Variants in CTNND2 observed in about 807,000 individuals in gnomAD.
CTNND2 encodes catenin delta 2.
CTNND2 carries 22 observed loss-of-function variants against 144.4 expected under a neutral mutation model. The ratio of observed to expected loss-of-function variants is 0.15; its 90% confidence interval spans 0.11 to 0.22. The LOEUF is 0.22. Ranked by LOEUF, CTNND2 falls within the 10% of genes least tolerant of loss-of-function variation. The probability of loss-of-function intolerance (pLI) is 1.00; values close to 1 mark genes in which losing one functional copy is unlikely to be tolerated. For synonymous variants in CTNND2, 751 were observed against 695.6 expected (o/e 1.08, Z -1.25); for missense variants, 1,353 against 1,618.8 (o/e 0.84, Z 2.82).
chr5:11,733,240 T>C (rs760108482), intron 1 of CTNND2, among the ~76,000 whole-genome samples: 3 of 152,126 alleles, frequency 2.0e-5, no homozygotes, highest in Non-Finnish European at 4.4e-5. Context: ...TTGCAATTGG[T>C]ATCTGGGGGG....
intron 3 of CTNND2, among the ~76,000 whole-genome samples, chr5:11,547,316 TAAATA>T (rs1334803315): frequency 8.7e-6 from 1 of 114,546 alleles, no homozygotes; most frequent in Non-Finnish European, 1.9e-5. Flanking sequence ...AATAAATAAA[TAAATA>T]AAGTAAAAAG....
At chr5:11,379,481 G>A (rs887317133) in intron 7 of CTNND2, among the ~76,000 whole-genome samples, 2 of 152,050 alleles carry the variant, frequency 1.3e-5, no homozygotes, top group African/African-American at 4.8e-5. Flanking sequence ...CTGTAGAATG[G>A]GGGTAAAAAT....
At chr5:11,128,794 ATT>A (rs1754989153) in intron 12 of CTNND2, among the ~76,000 whole-genome samples, 1 of 36,004 alleles carries the variant, frequency 2.8e-5, no homozygotes, top group Admixed American at 4.4e-4. Flanking sequence ...ATAAATATAT[ATT>A]ATATATATAC....
intron 9 of CTNND2, among the ~76,000 whole-genome samples, chr5:11,297,334 T>G (rs559512969): frequency 6.6e-6 from 1 of 152,308 alleles, no homozygotes; most frequent in African/African-American, 2.4e-5. Context: ...TTCTCCCTTT[T>G]CCAACTTTGC....
In CTNND2 at chr5:11,392,421, T is replaced by C. The variant is rs537700356; in HGVS notation, c.612+4610A>G. Among the ~76,000 whole-genome samples, 19 of 152,354 alleles carry C rather than the reference T, an allele frequency of 1.2e-4. No individual in the cohort carries two copies. The East Asian group carries it at 3.1e-3, about 25-fold the overall frequency. ...AGGAGAGATTTCTTGATGGCAACTC[T>C]TTCTTAAAACCTACATGAGCACCCG... is the stretch of plus-strand genomic sequence containing the variant. On this transcript the variant is annotated intron_variant, in intron 6 of 21. Transcript: ENST00000304623.
intron 16 of CTNND2, among the ~76,000 whole-genome samples, chr5:11,033,225 T>C (rs1313594273): frequency 6.6e-6 from 1 of 152,216 alleles, no homozygotes; most frequent in African/African-American, 2.4e-5. Flanking sequence ...CAATCCACAA[T>C]GGACTTGACA....
intron 3 of CTNND2, among the ~76,000 whole-genome samples, chr5:11,543,914 T>G (rs2561621): frequency 6.6e-6 from 1 of 151,958 alleles, no homozygotes; most frequent in Admixed American, 6.5e-5. Flanking sequence ...CCTTAAACTC[T>G]GACCTCATGT....
chr5:11,868,460 T>C (rs1002461507), intron 1 of CTNND2, among the ~76,000 whole-genome samples: 1 of 152,202 alleles, frequency 6.6e-6, no homozygotes, highest in Non-Finnish European at 1.5e-5. Context: ...AAGGGGATCA[T>C]GGAGTTTGCC....
intron 9 of CTNND2, among the ~76,000 whole-genome samples, chr5:11,241,960 C>T (rs2149911777): frequency 6.6e-6 from 1 of 150,634 alleles, no homozygotes; most frequent in East Asian, 2.0e-4. Flanking sequence ...AAAGGGGAGC[C>T]ATTCAGCATG....
intron 3 of CTNND2, among the ~76,000 whole-genome samples, chr5:11,417,974 G>A (rs1023279539): frequency 2.6e-5 from 4 of 151,848 alleles, no homozygotes. Flanking sequence ...AAAAGTTTAT[G>A]GAAAATGCAT....
In CTNND2 at chr5:11,298,741, G is replaced by A. The variant is rs186487051; in HGVS notation, c.1628+47631C>T. On this transcript the variant is annotated intron_variant, in intron 9 of 21. Transcript: ENST00000304623. ...TGCACAGTCAGTATAGAAATGTGGC[G>A]TGTAGCACGGGCTATAGCTACAATC... 5.5e-4 allele frequency among the ~76,000 whole-genome samples: 84 copies of A among 152,288 alleles called. 1 individual carries two copies. The highest frequency in any genetic ancestry group is 1.5e-3 in the African/African-American group (63 of 41,554).
intron 11 of CTNND2, among the ~76,000 whole-genome samples, chr5:11,166,551 A>G (rs1759354520): frequency 6.6e-6 from 1 of 151,680 alleles, no homozygotes; most frequent in Non-Finnish European, 1.5e-5. Context: ...CCGGCCAAAA[A>G]AAGTTCATTT....
chr5:11,699,373 T>C (rs1785308274), intron 2 of CTNND2, among the ~76,000 whole-genome samples: 1 of 151,994 alleles, frequency 6.6e-6, no homozygotes, highest in Admixed American at 6.6e-5. Flanking sequence ...GATGACTAAG[T>C]CACCTGAGGA....
chr5:11,211,053 G>A (rs1272673776), intron 10 of CTNND2, among the ~76,000 whole-genome samples: 3 of 152,130 alleles, frequency 2.0e-5, no homozygotes, highest in Non-Finnish European at 2.9e-5. Flanking sequence ...TCCACTAAAC[G>A]GACAAGTTTT....
intron 3 of CTNND2, among the ~76,000 whole-genome samples, chr5:11,422,543 C>T (rs1448760376): frequency 6.6e-6 from 1 of 152,210 alleles, no homozygotes; most frequent in African/African-American, 2.4e-5. Flanking sequence ...GCTCCCACAC[C>T]ACGGCCTGGA....
At chr5:11,653,593 T>G (rs1030116640) in intron 2 of CTNND2, among the ~76,000 whole-genome samples, 3 of 152,134 alleles carry the variant, frequency 2.0e-5, no homozygotes, top group Admixed American at 6.5e-5. Context: ...TGTGTGTTTT[T>G]TGTAAATATT....
intron 2 of CTNND2, among the ~76,000 whole-genome samples, chr5:11,628,410 A>C (rs1275320578): frequency 1.3e-5 from 2 of 152,166 alleles, no homozygotes; most frequent in Non-Finnish European, 2.9e-5. Context: ...CAATGTAGCA[A>C]TATCAGAATC....
At chr5:11,187,360 T>A (rs1341414313) in intron 11 of CTNND2, among the ~76,000 whole-genome samples, 1 of 152,128 alleles carries the variant, frequency 6.6e-6, no homozygotes, top group Non-Finnish European at 1.5e-5. Context: ...GGGAAAGGAC[T>A]CCCTATTTAA....
chr5:11,052,260 G>A (rs534136027), intron 16 of CTNND2, among the ~76,000 whole-genome samples: 2 of 152,168 alleles, frequency 1.3e-5, no homozygotes, highest in Admixed American at 6.5e-5. Context: ...TTTGAGATGT[G>A]TATATACTTT....
Sources: allele counts gnomAD v4.1 joint callset (sites outside exome capture counted in the v4.1 genomes callset), GRCh38; gene constraint gnomAD v4.1.1; transcripts MANE v1.5; gene names NCBI Gene and HGNC (gene_info 2026-07-23, HGNC 2026-07-21).